Variants in NUMB observed in about 807,000 individuals in gnomAD.
The protein encoded by NUMB is protein numb homolog.
Under a neutral mutation model 59.7 loss-of-function variants are expected in NUMB, and 29 were observed. That is an observed-to-expected ratio of 0.49 (90% CI 0.36 to 0.66). The LOEUF is 0.66. Ranked by LOEUF, NUMB falls within the 30% of genes least tolerant of loss-of-function variation. NUMB has a pLI of 0.00. For missense variants in NUMB, 723 were observed against 822.0 expected (o/e 0.88, Z 1.47); for synonymous variants, 288 against 288.2 (o/e 1.00, Z 0.01).
chr14:73,390,276 G>A (rs944567635), intron 2 of NUMB, among the ~76,000 whole-genome samples: 4 of 152,136 alleles, frequency 2.6e-5, no homozygotes, highest in Non-Finnish European at 4.4e-5. Flanking sequence ...ATTATTAAGT[G>A]CTAAGAGGAG....
chr14:73,279,570 T>G, intron 11 of NUMB, 146 bp from the exon 12 acceptor site: 1 of 647,826 alleles, frequency 1.5e-6, no homozygotes. Flanking sequence ...CCATGATATC[T>G]TGCATTGGAT....
chr14:73,342,002 C>T lies in NUMB; in HGVS notation c.126+13624G>A, dbSNP rs565096375. On this transcript the variant is annotated intron_variant, in intron 4 of 12. Coordinates refer to ENST00000555238, the MANE Select transcript of NUMB (RefSeq NM_001005743.2). ...AAATAAGTCCTTAAGAGTTACTAAA[C>T]GAAGTTGAACTTCTCTCAAATACCT... Among the ~76,000 whole-genome samples, 18 of 152,158 alleles carry T rather than the reference C, an allele frequency of 1.2e-4. No homozygotes were observed. In the South Asian group the frequency reaches 3.1e-3, roughly 26 times the overall value.
chr14:73,448,382 G>A (rs988341370), intron 1 of NUMB, among the ~76,000 whole-genome samples: 1 of 151,768 alleles, frequency 6.6e-6, no homozygotes, highest in Non-Finnish European at 1.5e-5. Context: ...AATAGAGATA[G>A]GGTCTTGCTA....
rs1888433418 is a variant in NUMB, at chr14:73,279,268, G to A, written c.1240+13C>T. 6.2e-7 allele frequency: 1 copy of A among 1,614,150 alleles called. No individual in the cohort carries two copies. The highest frequency in any genetic ancestry group is 1.7e-5 in the Admixed American group (1 of 60,012). The stretch of plus-strand genomic sequence containing the variant: ...GATCCCAGAATCCTCAACACCATCT[G>A]TGGCCACCTTACCCGAACATGTGGC... On this transcript the variant is annotated intron_variant, in intron 12 of 12. Coordinates refer to ENST00000555238, the MANE Select transcript of NUMB (RefSeq NM_001005743.2).
chr14:73,357,882 GC>G (rs35880157), intron 3 of NUMB, among the ~76,000 whole-genome samples: 3 of 132,192 alleles, frequency 2.3e-5, no homozygotes, highest in East Asian at 2.1e-4. Context: ...TTATCCTGAG[GC>G]CCCCCCCAAA....
rs752154048 is a variant in NUMB at position 73,445,354 on chromosome 14, C to CAAAAAAAAAAAAAAA, written c.-233+13124_-233+13138dup. Among the ~76,000 whole-genome samples the CAAAAAAAAAAAAAAA allele has an allele frequency of 3.5e-4, 20 of 57,576 alleles. 3 individuals carry two copies. Among genetic ancestry groups the CAAAAAAAAAAAAAAA allele is most frequent in the South Asian group, 7.3e-4 (1 of 1,366 alleles). 37.8% of individuals were successfully genotyped at this position (57,576 alleles called of 152,430 possible). On this transcript the variant is annotated intron_variant, in intron 1 of 12. Coordinates refer to ENST00000555238, the MANE Select transcript of NUMB (RefSeq NM_001005743.2). ...TGAGTGACAAAGTGAGACCCTGTCT[C>CAAAAAAAAAAAAAAA]AAAAAAAAAAAAAAAAAAAAAAAAA...
rs931827028 is a variant in NUMB at position 73,279,232 on chromosome 14, G to T, written c.1240+49C>A. ...TAACTGGCTGAGTTTTAGAACCAGG[G>T]TCACTTATCTGATCCCAGAATCCTC... On this transcript the variant is annotated intron_variant, in intron 12 of 12. Transcript: ENST00000555238. 1.9e-6 allele frequency: 3 copies of T among 1,610,962 alleles called. No homozygotes were observed. In the African/African-American group the frequency reaches 4.0e-5, roughly 22 times the overall value.
chr14:73,433,626 T>C (rs1897928154), intron 1 of NUMB, among the ~76,000 whole-genome samples: 1 of 152,096 alleles, frequency 6.6e-6, no homozygotes, highest in African/African-American at 2.4e-5. Flanking sequence ...TCAATTAAAG[T>C]ACAGAGAGAA....
At chr14:73,288,467 C>T (rs1224606848) in intron 8 of NUMB, among the ~76,000 whole-genome samples, 2 of 152,122 alleles carry the variant, frequency 1.3e-5, no homozygotes, top group Non-Finnish European at 2.9e-5. Flanking sequence ...AGGAGAATTG[C>T]TTGAAGTCGG....
At chr14:73,392,983 A>G (rs905383684) in intron 2 of NUMB, among the ~76,000 whole-genome samples, 1 of 152,188 alleles carries the variant, frequency 6.6e-6, no homozygotes, top group Admixed American at 6.5e-5. Flanking sequence ...AGGAGGGGTC[A>G]CTGCTTACGT....
intron 2 of NUMB, among the ~76,000 whole-genome samples, chr14:73,382,639 C>G (rs1895302926): frequency 1.3e-5 from 2 of 152,230 alleles, no homozygotes; most frequent in African/African-American, 4.8e-5. Context: ...CAGATCATCT[C>G]AAGTCCATAT....
At chr14:73,441,098 A>G (rs1883033477) in intron 1 of NUMB, among the ~76,000 whole-genome samples, 1 of 152,178 alleles carries the variant, frequency 6.6e-6, no homozygotes, top group Admixed American at 6.6e-5. Flanking sequence ...AAGAAAACAT[A>G]TATTACAACT....
intron 4 of NUMB, among the ~76,000 whole-genome samples, chr14:73,341,859 A>G (rs2139978704): frequency 6.6e-6 from 1 of 152,340 alleles, no homozygotes; most frequent in East Asian, 1.9e-4. Context: ...TTAGGGAGAG[A>G]ACCCTCTAGA....
intron 4 of NUMB, among the ~76,000 whole-genome samples, chr14:73,346,725 A>C (rs887960415): frequency 6.6e-6 from 1 of 152,020 alleles, no homozygotes; most frequent in Admixed American, 6.6e-5. Context: ...CCAGTTCCTC[A>C]ACTTCTCTAT....
intron 2 of NUMB, among the ~76,000 whole-genome samples, chr14:73,402,198 A>T (rs1396856010): frequency 6.6e-6 from 1 of 152,204 alleles, no homozygotes; most frequent in Admixed American, 6.5e-5. Flanking sequence ...AAAAGACCTC[A>T]TAATTCAAAT....
At chr14:73,379,780 G>A (rs1308321520) in intron 2 of NUMB, among the ~76,000 whole-genome samples, 1 of 152,202 alleles carries the variant, frequency 6.6e-6, no homozygotes, top group African/African-American at 2.4e-5. Flanking sequence ...GAATAACAAG[G>A]AGATGATGTG....
intron 4 of NUMB, among the ~76,000 whole-genome samples, chr14:73,352,530 G>GTT (rs71112735): frequency 0.044 from 884 of 20,284 alleles, 192 homozygotes; most frequent in African/African-American, 0.11. Context: ...ATATATATAT[G>GTT]TTTTTTTTTT....
chr14:73,282,119 T>C (rs1306235057), intron 11 of NUMB: 2 of 433,642 alleles, frequency 4.6e-6, no homozygotes. Context: ...CAGAAATTCC[T>C]TATAGAATGG....
chr14:73,395,138 AATAAATACAGGG>A (rs986216875), intron 2 of NUMB, among the ~76,000 whole-genome samples: 1 of 150,574 alleles, frequency 6.6e-6, no homozygotes, highest in Non-Finnish European at 1.5e-5. Flanking sequence ...CTAATACAAT[AATAAATACAGGG>A]ATTAAAAAGG....
Sources: allele counts gnomAD v4.1 joint callset (sites outside exome capture counted in the v4.1 genomes callset), GRCh38; gene constraint gnomAD v4.1.1; transcripts MANE v1.5; gene names NCBI Gene and HGNC (gene_info 2026-07-23, HGNC 2026-07-21).